Variants in LRP1B observed in about 807,000 individuals in gnomAD.
The protein encoded by LRP1B is LDL receptor related protein 1B.
LRP1B carries 217 observed loss-of-function variants against 556.6 expected under a neutral mutation model. The ratio of observed to expected loss-of-function variants is 0.39; its 90% confidence interval spans 0.35 to 0.44. The LOEUF (loss-of-function observed/expected upper bound fraction) is 0.44. LRP1B is among the 20% of genes least tolerant of loss of function. LRP1B has a pLI of 1.00. For synonymous variants in LRP1B, 2,047 were observed against 1,865.8 expected (o/e 1.10, Z -2.50); for missense variants, 5,053 against 5,620.8 (o/e 0.90, Z 3.23).
At chr2:141,238,298 C>T (rs1253177542) in intron 5 of LRP1B, among the ~76,000 whole-genome samples, 1 of 151,992 alleles carries the variant, frequency 6.6e-6, no homozygotes, top group Admixed American at 6.6e-5. Flanking sequence ...ACATCTTTCT[C>T]TATGTTATAG....
chr2:141,369,022 G>A (rs1421394745), intron 3 of LRP1B, among the ~76,000 whole-genome samples: 1 of 151,986 alleles, frequency 6.6e-6, no homozygotes, highest in African/African-American at 2.4e-5. Flanking sequence ...AAAGTGCTTG[G>A]TAATATAAAA....
chr2:141,597,079 C>T (rs1687551344), intron 2 of LRP1B, among the ~76,000 whole-genome samples: 1 of 143,702 alleles, frequency 7.0e-6, no homozygotes, highest in African/African-American at 2.9e-5. Context: ...CACACACACA[C>T]ACACATCTGC....
At chr2:140,243,791 CTCTT>C (rs997529591) in intron 87 of LRP1B, among the ~76,000 whole-genome samples, 5 of 151,102 alleles carry the variant, frequency 3.3e-5, no homozygotes, top group Non-Finnish European at 5.9e-5. Flanking sequence ...ACATGTCTAA[CTCTT>C]TCTTGCTCCA....
intron 7 of LRP1B, among the ~76,000 whole-genome samples, chr2:141,113,380 T>C (rs991191469): frequency 1.3e-5 from 2 of 152,162 alleles, no homozygotes; most frequent in Non-Finnish European, 2.9e-5. Context: ...TGAGGGTGAC[T>C]TGCCTTAAAA....
chr2:141,155,763 CTAAGT>C (rs1225529347), intron 7 of LRP1B, among the ~76,000 whole-genome samples: 10 of 152,050 alleles, frequency 6.6e-5, no homozygotes, highest in Non-Finnish European at 1.5e-4. Flanking sequence ...TCTAATTTTA[CTAAGT>C]TAACATTATG....
At chr2:141,509,773 G>A (rs1684056474) in intron 2 of LRP1B, among the ~76,000 whole-genome samples, 1 of 152,076 alleles carries the variant, frequency 6.6e-6, no homozygotes, top group Non-Finnish European at 1.5e-5. Context: ...AATATTTTAA[G>A]AATATTACCC....
At chr2:140,880,772 C>T (rs1467279847) in intron 25 of LRP1B, among the ~76,000 whole-genome samples, 1 of 152,116 alleles carries the variant, frequency 6.6e-6, no homozygotes, top group African/African-American at 2.4e-5. Context: ...AAACAAAGTT[C>T]ATAGTTTTCC....
chr2:141,898,116 C>T (rs1699509220), intron 1 of LRP1B, among the ~76,000 whole-genome samples: 1 of 152,140 alleles, frequency 6.6e-6, no homozygotes, highest in Admixed American at 6.6e-5. Flanking sequence ...TTCATTTCCA[C>T]ATGACACAAG....
chr2:141,595,640 C>T (rs1687489068), intron 2 of LRP1B, among the ~76,000 whole-genome samples: 1 of 152,024 alleles, frequency 6.6e-6, no homozygotes, highest in African/African-American at 2.4e-5. Context: ...AAAAATTCTG[C>T]AGATAATATG....
chr2:141,111,849 T>C (rs1700760196), intron 7 of LRP1B, among the ~76,000 whole-genome samples: 1 of 151,770 alleles, frequency 6.6e-6, no homozygotes, highest in Non-Finnish European at 1.5e-5. Flanking sequence ...ATCGAGACCA[T>C]CCTGGCTAAC....
intron 2 of LRP1B, among the ~76,000 whole-genome samples, chr2:141,660,621 C>T (rs1378973247): frequency 6.6e-6 from 1 of 152,096 alleles, no homozygotes; most frequent in Non-Finnish European, 1.5e-5. Context: ...GGAAGGGCCT[C>T]CCTGCAAGAA....
intron 2 of LRP1B, among the ~76,000 whole-genome samples, chr2:141,606,759 C>T (rs978841373): frequency 2.6e-5 from 4 of 152,180 alleles, no homozygotes; most frequent in Non-Finnish European, 5.9e-5. Context: ...CTGCCAACAC[C>T]TTGATCTTGG....
intron 1 of LRP1B, among the ~76,000 whole-genome samples, chr2:142,129,576 TTCTCTCTTTCTCTC>T (rs1490322223): frequency 9.9e-5 from 11 of 111,056 alleles, no homozygotes; most frequent in South Asian, 3.2e-4. Context: ...CTGGGTTTCT[TTCTCTCTTTCTCTC>T]TCTCTCTCTC....
chr2:141,118,189 G>A (rs993705390), intron 7 of LRP1B, among the ~76,000 whole-genome samples: 1 of 151,712 alleles, frequency 6.6e-6, no homozygotes, highest in African/African-American at 2.4e-5. Context: ...TGTTCAGTTT[G>A]CACTAATTTT....
intron 1 of LRP1B, among the ~76,000 whole-genome samples, chr2:142,007,768 A>C (rs1702843832): frequency 6.6e-6 from 1 of 152,194 alleles, no homozygotes; most frequent in Non-Finnish European, 1.5e-5. Context: ...CTCTGTTGGA[A>C]TAATACAATA....
At chr2:140,609,643 T>G (rs1024732397) in intron 41 of LRP1B, among the ~76,000 whole-genome samples, 1 of 152,188 alleles carries the variant, frequency 6.6e-6, no homozygotes, top group Non-Finnish European at 1.5e-5. Context: ...GCCTAAGCAA[T>G]CGTCTTTCAA....
chr2:140,357,347 C>T (rs1682273862), intron 74 of LRP1B, among the ~76,000 whole-genome samples: 1 of 150,926 alleles, frequency 6.6e-6, no homozygotes, highest in African/African-American at 2.4e-5. Context: ...TTGCTTCATC[C>T]CTAAATGAGG....
chr2:142,065,533 C>T, intron 1 of LRP1B, among the ~76,000 whole-genome samples: 1 of 151,252 alleles, frequency 6.6e-6, no homozygotes, highest in Non-Finnish European at 1.5e-5. Context: ...CTTACCCTGA[C>T]AATTCAGGAA....
intron 1 of LRP1B, among the ~76,000 whole-genome samples, chr2:141,902,687 C>A (rs1699654519): frequency 6.6e-6 from 1 of 150,598 alleles, no homozygotes; most frequent in South Asian, 2.1e-4. Context: ...TGAACTTACT[C>A]TTGAAATGAA....
Sources: allele counts gnomAD v4.1 joint callset (sites outside exome capture counted in the v4.1 genomes callset), GRCh38; gene constraint gnomAD v4.1.1; transcripts MANE v1.5; gene names NCBI Gene and HGNC (gene_info 2026-07-23, HGNC 2026-07-21).